SKI: variants seen among roughly 807,000 people sequenced by gnomAD.
The protein encoded by SKI is ski oncogene.
SKI carries 23 observed loss-of-function variants against 59.3 expected under a neutral mutation model. The ratio of observed to expected loss-of-function variants is 0.39; its 90% CI spans 0.28 to 0.55. The LOEUF (loss-of-function observed/expected upper bound fraction) is 0.55, where lower values mean the gene tolerates loss of function less well. Ranked by LOEUF, SKI falls within the 20% of genes least tolerant of loss-of-function variation. The pLI is 0.67. For missense variants in SKI, 1,017 were observed against 1,038.9 expected, an observed-to-expected ratio of 0.98 and a Z score of 0.29; for synonymous variants, 673 against 488.6, an observed-to-expected ratio of 1.38 and a Z score of -4.98.
At chr1:2,258,429 T>C (rs946588440) in intron 1 of SKI, among the ~76,000 whole-genome samples, 4 of 151,766 alleles carry the variant, frequency 2.6e-5, no homozygotes, top group African/African-American at 9.7e-5. Context: ...CGTTTGAGAA[T>C]TGTGTTTTTT....
chr1:2,299,293 C>G (rs1640364848), intron 1 of SKI, among the ~76,000 whole-genome samples: 1 of 152,296 alleles, frequency 6.6e-6, no homozygotes, highest in East Asian at 1.9e-4. Flanking sequence ...GCAGCTTGTG[C>G]CCATGTCCTC....
chr1:2,245,528 A>G (rs552270115), intron 1 of SKI, among the ~76,000 whole-genome samples: 21 of 152,024 alleles, frequency 1.4e-4, no homozygotes, highest in Middle Eastern at 3.4e-3. Flanking sequence ...GCTGGAGTGC[A>G]GTGGCACGAT....
Position 2,308,390 on chromosome 1 carries a change from T to G in SKI, c.*1625T>G, listed in dbSNP as rs1047892602. ...GTTGCTGCTGAAGCCCCCCACCCCT[T>G]CTAAAGTGCAATGCAAAAGGGACAT... On this transcript the variant is annotated 3_prime_UTR_variant, in exon 7 of 7. Transcript: ENST00000378536. The G allele has an allele frequency of 1.3e-5, 2 of 152,202 alleles. No homozygotes were observed. The highest frequency in any genetic ancestry group is 4.8e-5 in the African/African-American group (2 of 41,454). 9.4% of individuals were successfully genotyped at this position (152,202 alleles called of 1,614,324 possible).
chr1:2,291,359 G>T (rs1308432856), intron 1 of SKI, among the ~76,000 whole-genome samples: 1 of 152,210 alleles, frequency 6.6e-6, no homozygotes, highest in Non-Finnish European at 1.5e-5. Context: ...TTCAAATCTG[G>T]GGTCTGTGGT....
chr1:2,241,622 T>C (rs1007152865), intron 1 of SKI, among the ~76,000 whole-genome samples: 3 of 152,000 alleles, frequency 2.0e-5, no homozygotes, highest in Admixed American at 1.3e-4. Context: ...CTCGATCTCC[T>C]GACCTCGCGA....
At chr1:2,243,972 C>T (rs1483019700) in intron 1 of SKI, among the ~76,000 whole-genome samples, 1 of 151,856 alleles carries the variant, frequency 6.6e-6, no homozygotes, top group South Asian at 2.1e-4. Context: ...TTCTTTCTTT[C>T]TTTCTTTTTT....
chr1:2,262,986 G>A (rs1639420677), intron 1 of SKI, among the ~76,000 whole-genome samples: 1 of 151,784 alleles, frequency 6.6e-6, no homozygotes, highest in South Asian at 2.1e-4. Context: ...TGTAACCCCC[G>A]CCTTCCAGGT....
intron 1 of SKI, among the ~76,000 whole-genome samples, chr1:2,294,715 C>T (rs1005095360): frequency 1.3e-5 from 2 of 152,336 alleles, no homozygotes; most frequent in East Asian, 1.9e-4. Context: ...GCCTGGCCCT[C>T]CCCCCGCTAG....
At position 2,308,621 on chromosome 1, in the gene SKI, T is replaced by C. The variant is rs934210424; in HGVS notation, c.*1856T>C. On this transcript the variant is annotated 3_prime_UTR_variant, in exon 7 of 7. Transcript: ENST00000378536. ...CCAGAGTTGTTTTTTTTTTCAGTTA[T>C]TTCTTCAAGGGAAACTAAATGATTT... 2 of 152,042 alleles carry C rather than the reference T, an allele frequency of 1.3e-5. No individual in the cohort carries two copies. Among genetic ancestry groups the C allele is most frequent in the Non-Finnish European group, 2.9e-5 (2 of 67,988 alleles). 9.4% of individuals were successfully genotyped at this position (152,042 alleles called of 1,614,324 possible).
At chr1:2,240,665 A>C (rs1638851161) in intron 1 of SKI, 1 of 985,310 alleles carries the variant, frequency 1.0e-6, no homozygotes, top group Non-Finnish European at 1.2e-6. Context: ...GAATTCTTCG[A>C]AGTGAAGCTC....
chr1:2,251,026 C>G (rs1639135181), intron 1 of SKI, among the ~76,000 whole-genome samples: 1 of 152,226 alleles, frequency 6.6e-6, no homozygotes, highest in Non-Finnish European at 1.5e-5. Flanking sequence ...TCCCCTGTCC[C>G]CATGGACTTT....
At chr1:2,305,054 G>A (rs1280496453) in intron 5 of SKI, among the ~76,000 whole-genome samples, 26 of 152,224 alleles carry the variant, frequency 1.7e-4, no homozygotes, top group Admixed American at 1.7e-3. Context: ...CGTGAGGGGC[G>A]TGCTTACTAA....
intron 1 of SKI, among the ~76,000 whole-genome samples, chr1:2,283,111 C>T (rs1639946043): frequency 6.6e-6 from 1 of 152,222 alleles, no homozygotes; most frequent in African/African-American, 2.4e-5. Flanking sequence ...AGGGAGGCGC[C>T]CCCACCCGGC....
intron 1 of SKI, among the ~76,000 whole-genome samples, chr1:2,255,228 C>T (rs1178406108): frequency 6.6e-6 from 1 of 152,160 alleles, no homozygotes; most frequent in African/African-American, 2.4e-5. Flanking sequence ...CCCCATGTAC[C>T]TGAGTGACCC....
intron 1 of SKI, among the ~76,000 whole-genome samples, chr1:2,239,426 C>A (rs977090828): frequency 6.6e-6 from 1 of 152,168 alleles, no homozygotes; most frequent in African/African-American, 2.4e-5. Flanking sequence ...TTCCTTGTCA[C>A]TGGCTGGGGT....
chr1:2,304,579 C>T lies in SKI; in HGVS notation c.1761C>T (p.Leu587=). 1 of 1,554,250 alleles carries T rather than the reference C, an allele frequency of 6.4e-7. No individual in the cohort carries two copies. Among genetic ancestry groups the T allele is most frequent in the Non-Finnish European group, 8.7e-7 (1 of 1,149,094 alleles). Residue 587 remains leucine, a synonymous_variant, in exon 5 of 7, where the codon CTC becomes CTT. Coordinates refer to ENST00000378536, the MANE Select transcript of SKI (RefSeq NM_003036.4). ...LSAALQAKRS[L]HQELEFLRVA... ...CAGCCCTGCAGGCCAAGCGCAGCCT[C>T]CACCAGGTGAGCGGGGCGAGTGGTG...
At chr1:2,280,528 C>T (rs1460750589) in intron 1 of SKI, among the ~76,000 whole-genome samples, 1 of 152,152 alleles carries the variant, frequency 6.6e-6, no homozygotes, top group African/African-American at 2.4e-5. Context: ...GGAGTCTTCC[C>T]TTACCCGCCA....
chr1:2,271,648 G>A (rs1029581104), intron 1 of SKI, among the ~76,000 whole-genome samples: 7 of 152,104 alleles, frequency 4.6e-5, no homozygotes, highest in African/African-American at 9.6e-5. Context: ...ATTGAGCCCC[G>A]CCATTGCCTG....
At position 2,236,859 on chromosome 1, in the gene SKI, C is replaced by A. The variant is rs556349502; in HGVS notation, c.969+7124C>A. 1.1e-3 allele frequency among the ~76,000 whole-genome samples: 161 copies of A among 152,284 alleles called. 1 individual carries two copies. The highest frequency in any genetic ancestry group is 3.8e-3 in the African/African-American group (157 of 41,550). The stretch of plus-strand genomic sequence containing the variant: ...ATGCTCCTCCCAGCTCTCAGCCCTG[C>A]CTGGACCAACTGCGGCTTCTGCTGG... On this transcript the variant is annotated intron_variant, in intron 1 of 6. Transcript: ENST00000378536.
Sources: allele counts gnomAD v4.1 joint callset (sites outside exome capture counted in the v4.1 genomes callset), GRCh38; gene constraint gnomAD v4.1.1; transcripts MANE v1.5; gene names NCBI Gene and HGNC (gene_info 2026-07-23, HGNC 2026-07-21).